The following ERBB4 variants were observed in gnomAD, a reference collection of about 807,000 sequenced individuals.
ERBB4 encodes the protein receptor tyrosine-protein kinase erbB-4.
In ERBB4, 42 loss-of-function variants were observed where a neutral mutation model predicts 158.0. That is an observed-to-expected ratio of 0.27 (90% CI 0.21 to 0.34). The LOEUF (loss-of-function observed/expected upper bound fraction) is 0.34, where lower values mean the gene tolerates loss of function less well. Among genes scored for constraint, ERBB4 ranks in the 10% least tolerant of loss-of-function variants. ERBB4 has a pLI of 1.00. For synonymous variants in ERBB4, 583 were observed against 558.7 expected (o/e 1.04, Z -0.61); for missense variants, 1,333 against 1,624.1 (o/e 0.82, Z 3.08).
chr2:212,342,880 T>C (rs1293093278), intron 1 of ERBB4, among the ~76,000 whole-genome samples: 3 of 152,216 alleles, frequency 2.0e-5, no homozygotes, highest in African/African-American at 4.8e-5. Flanking sequence ...ACTTCTGATC[T>C]ATGAGTAAAT....
intron 1 of ERBB4, among the ~76,000 whole-genome samples, chr2:212,165,655 A>G (rs1214037489): frequency 6.6e-6 from 1 of 151,986 alleles, no homozygotes; most frequent in Non-Finnish European, 1.5e-5. Context: ...TCTTTATACC[A>G]TCAATGTGGA....
chr2:212,438,295 C>T (rs1370829258), intron 1 of ERBB4, among the ~76,000 whole-genome samples: 2 of 152,070 alleles, frequency 1.3e-5, no homozygotes, highest in East Asian at 3.8e-4. Context: ...TTATTATCCA[C>T]TTTCAGTTGT....
At chr2:212,319,211 C>G (rs2087442633) in intron 1 of ERBB4, among the ~76,000 whole-genome samples, 1 of 151,576 alleles carries the variant, frequency 6.6e-6, no homozygotes, top group African/African-American at 2.4e-5. Context: ...TGTAGACAAA[C>G]AAAATATGTC....
intron 21 of ERBB4, 133 bp from the exon 22 acceptor site, chr2:211,428,616 CTATAAA>C (rs2063685727): frequency 2.1e-6 from 1 of 482,536 alleles, no homozygotes; most frequent in Non-Finnish European, 3.7e-6. Flanking sequence ...ATAACTATAA[CTATAAA>C]TATATGTTAA....
At chr2:211,821,294 C>T (rs529665613) in intron 3 of ERBB4, among the ~76,000 whole-genome samples, 1 of 151,486 alleles carries the variant, frequency 6.6e-6, no homozygotes, top group Non-Finnish European at 1.5e-5. Context: ...AATAAAATAC[C>T]TAGAAATAAA....
intron 3 of ERBB4, among the ~76,000 whole-genome samples, chr2:211,824,002 T>G (rs925033560): frequency 6.6e-6 from 1 of 151,996 alleles, no homozygotes; most frequent in African/African-American, 2.4e-5. Context: ...AAGACCAGCT[T>G]TGTGCAGAAT....
chr2:211,725,693 T>G (rs1308311931), intron 5 of ERBB4, among the ~76,000 whole-genome samples: 1 of 152,132 alleles, frequency 6.6e-6, no homozygotes, highest in East Asian at 1.9e-4. Context: ...TGAAGTCAAT[T>G]CACACAATGT....
At chr2:211,410,582 G>GA (rs2063237132) in intron 25 of ERBB4, among the ~76,000 whole-genome samples, 1 of 152,090 alleles carries the variant, frequency 6.6e-6, no homozygotes, top group South Asian at 2.1e-4. Flanking sequence ...GACTATAGAG[G>GA]AATTCATACT....
At chr2:212,207,316 T>C (rs1037739956) in intron 1 of ERBB4, among the ~76,000 whole-genome samples, 2 of 152,220 alleles carry the variant, frequency 1.3e-5, no homozygotes, top group Admixed American at 6.5e-5. Context: ...GCAATGATAG[T>C]TGATCACAAT....
At chr2:212,296,587 T>A (rs893086530) in intron 1 of ERBB4, among the ~76,000 whole-genome samples, 4 of 151,902 alleles carry the variant, frequency 2.6e-5, no homozygotes, top group Non-Finnish European at 5.9e-5. Context: ...CTATAACAGA[T>A]AATTTGCACA....
intron 4 of ERBB4, chr2:211,777,841 A>G (rs2075923263): frequency 6.6e-6 from 1 of 152,140 alleles, no homozygotes; most frequent in Non-Finnish European, 1.5e-5. Flanking sequence ...CCACCTCTCC[A>G]TTAATACTAA....
chr2:211,538,199 T>G (rs1326618072), intron 20 of ERBB4, among the ~76,000 whole-genome samples: 1 of 145,152 alleles, frequency 6.9e-6, no homozygotes, highest in East Asian at 1.9e-4. Flanking sequence ...TACTGCCTTC[T>G]CCTTCTACAG....
chr2:211,817,690 G>A (rs1010159458), intron 3 of ERBB4, among the ~76,000 whole-genome samples: 2 of 152,088 alleles, frequency 1.3e-5, no homozygotes, highest in Admixed American at 1.3e-4. Context: ...ACATGACTAA[G>A]TCCTGATCAT....
At chr2:211,952,028 C>T (rs1575426508) in intron 2 of ERBB4, among the ~76,000 whole-genome samples, 1 of 152,022 alleles carries the variant, frequency 6.6e-6, no homozygotes, top group Non-Finnish European at 1.5e-5. Flanking sequence ...CATAGCAAAT[C>T]TCTCAACCCA....
At chr2:211,710,321 T>TAATAA (rs534625687) in intron 9 of ERBB4, among the ~76,000 whole-genome samples, 2,140 of 152,304 alleles carry the variant, frequency 0.014, 44 homozygotes, top group African/African-American at 0.048. Context: ...TATCTTCTTA[T>TAATAA]TTCTCAGAAG....
At chr2:212,451,005 C>T (rs1223096736) in intron 1 of ERBB4, among the ~76,000 whole-genome samples, 3 of 151,790 alleles carry the variant, frequency 2.0e-5, no homozygotes, top group Non-Finnish European at 4.4e-5. Flanking sequence ...GTGTCACATC[C>T]GTGTAGTCCT....
intron 1 of ERBB4, among the ~76,000 whole-genome samples, chr2:212,163,382 A>T (rs1415738893): frequency 6.6e-6 from 1 of 152,048 alleles, no homozygotes; most frequent in Non-Finnish European, 1.5e-5. Flanking sequence ...TAAACAAAAC[A>T]TTGTTTTCCA....
chr2:212,046,978 T>C (rs139823423), intron 2 of ERBB4, among the ~76,000 whole-genome samples: 124 of 152,286 alleles, frequency 8.1e-4, no homozygotes, highest in African/African-American at 2.6e-3. Flanking sequence ...AAGCTTACTA[T>C]AGAAAATAAG....
intron 3 of ERBB4, among the ~76,000 whole-genome samples, chr2:211,908,043 G>GAA (rs112792994): frequency 4.0e-5 from 6 of 149,674 alleles, no homozygotes; most frequent in African/African-American, 1.5e-4. Flanking sequence ...TGGAGCACTG[G>GAA]AAAAAAAAAC....
Sources: allele counts gnomAD v4.1 joint callset (sites outside exome capture counted in the v4.1 genomes callset), GRCh38; gene constraint gnomAD v4.1.1; transcripts MANE v1.5; gene names NCBI Gene and HGNC (gene_info 2026-07-23, HGNC 2026-07-21).